The following UNC93A variants were observed in gnomAD, a reference collection of about 807,000 sequenced individuals.
UNC93A encodes the protein N-acetylglucosamine transporter UNC93A.
A neutral mutation model predicts 47.5 loss-of-function variants in UNC93A; 43 were observed. That is an observed-to-expected ratio of 0.91 (90% CI 0.71 to 1.17). The LOEUF is 1.17. Among genes scored for constraint, UNC93A ranks in the 50% most tolerant of loss-of-function variants. UNC93A has a pLI of 0.00. For synonymous variants in UNC93A, 280 were observed against 258.0 expected, an observed-to-expected ratio of 1.09 and a Z score of -0.82; for missense variants, 605 against 577.6, an observed-to-expected ratio of 1.05 and a Z score of -0.49.
At chr6:167,281,809 C>G (rs928465352) in intron 1 of UNC93A, among the ~76,000 whole-genome samples, 1 of 152,162 alleles carries the variant, frequency 6.6e-6, no homozygotes, top group Non-Finnish European at 1.5e-5. Context: ...GCAGCAGTGC[C>G]CACATCTGCA....
At chr6:167,276,994 C>T (rs6925771) in intron 1 of UNC93A, among the ~76,000 whole-genome samples, 2,410 of 152,338 alleles carry the variant, frequency 0.016, 78 homozygotes, top group African/African-American at 0.055. Context: ...ACACAGACAA[C>T]GCCCACCCTC....
At chr6:167,311,767 A>T (rs952317746) in intron 7 of UNC93A, among the ~76,000 whole-genome samples, 17 of 152,394 alleles carry the variant, frequency 1.1e-4, no homozygotes, top group African/African-American at 3.6e-4. Flanking sequence ...ATAGTTTTAG[A>T]TTTACAGAAA....
chr6:167,313,824 C>A (rs1356902237), intron 7 of UNC93A, among the ~76,000 whole-genome samples: 1 of 152,052 alleles, frequency 6.6e-6, no homozygotes, highest in Admixed American at 6.6e-5. Context: ...CTAACAGTCA[C>A]CATCAAAAAA....
Position 167,296,080 on chromosome 6 carries a change from G to A in UNC93A, c.318G>A (p.Pro106=), listed in dbSNP as rs759198012. Residue 106 remains proline (P), a synonymous_variant, in exon 3 of 8, where the codon CCG becomes CCA. Transcript: ENST00000230256. ...TACTGCTGGGACTCGGGGCCGCCCC[G>A]CTGTGGTCTGCACAGTGCACATACC... is the stretch of plus-strand genomic sequence containing the variant. ...TSILLGLGAA[P]LWSAQCTYLT... The A allele has an allele frequency of 4.3e-6, 7 of 1,614,068 alleles. No individual in the cohort carries two copies. The highest frequency in any genetic ancestry group is 2.2e-5 in the East Asian group (1 of 44,894).
chr6:167,309,672 T>C (rs1778503778), intron 7 of UNC93A, among the ~76,000 whole-genome samples: 1 of 152,158 alleles, frequency 6.6e-6, no homozygotes, highest in Admixed American at 6.5e-5. Context: ...GCACTGAGGA[T>C]AAAGAGCACA....
At chr6:167,300,699 T>A (rs1446479022) in intron 4 of UNC93A, among the ~76,000 whole-genome samples, 1 of 152,078 alleles carries the variant, frequency 6.6e-6, no homozygotes, top group East Asian at 1.9e-4. Flanking sequence ...ATCAACATGG[T>A]CCCAGGGACC....
upstream of UNC93A, among the ~76,000 whole-genome samples, chr6:167,287,758 T>C (rs145235271): frequency 5.9e-5 from 9 of 151,980 alleles, no homozygotes; most frequent in East Asian, 1.5e-3. Context: ...TGTGTGTGTG[T>C]GCACTGTGCA....
At chr6:167,269,502 A>AT (rs1783418180), upstream of UNC93A, among the ~76,000 whole-genome samples, 1 of 152,216 alleles carries the variant, frequency 6.6e-6, no homozygotes, top group South Asian at 2.1e-4. Flanking sequence ...TAGAATGACA[A>AT]TGTGGCAAAT....
At chr6:167,299,325 C>G (rs1778178079) in intron 4 of UNC93A, among the ~76,000 whole-genome samples, 1 of 152,162 alleles carries the variant, frequency 6.6e-6, no homozygotes, top group South Asian at 2.1e-4. Context: ...CCAACTCCTG[C>G]ACTCTGCCGG....
At chr6:167,306,992 G>A (rs1279607772) in intron 6 of UNC93A, among the ~76,000 whole-genome samples, 2 of 152,186 alleles carry the variant, frequency 1.3e-5, no homozygotes, top group South Asian at 2.1e-4. Context: ...GATGCTACCT[G>A]CCTGGGGGGT....
chr6:167,291,766 GTCTCAA>G (rs1397370356), intron 1 of UNC93A, among the ~76,000 whole-genome samples, 190 bp downstream of exon 1: 1 of 152,170 alleles, frequency 6.6e-6, no homozygotes. Flanking sequence ...TCCCACTCAC[GTCTCAA>G]TAGGATTGCA....
At chr6:167,286,914 G>A (rs1273220178), upstream of UNC93A, among the ~76,000 whole-genome samples, 1 of 143,816 alleles carries the variant, frequency 7.0e-6, no homozygotes, top group Non-Finnish European at 1.5e-5. Context: ...GGAGGCGGAT[G>A]TTGCAGTGAG....
At chr6:167,305,345 C>T (rs533055840) in intron 5 of UNC93A, among the ~76,000 whole-genome samples, 2 of 152,300 alleles carry the variant, frequency 1.3e-5, no homozygotes, top group African/African-American at 4.8e-5. Context: ...ACAGCCCCTC[C>T]TGCTCCTCCA....
At chr6:167,295,130 A>G (rs968678718) in intron 2 of UNC93A, among the ~76,000 whole-genome samples, 1 of 152,162 alleles carries the variant, frequency 6.6e-6, no homozygotes, top group African/African-American at 2.4e-5. Context: ...GGCAGGTCAC[A>G]GGGATGGGAG....
chr6:167,294,659 G>T lies in UNC93A; in HGVS notation c.230G>T (p.Gly77Val), dbSNP rs765234325. ...CKGTIILSMCGYVAFSVGNFF... is the reference protein window; with the variant it reads ...CKGTIILSMCVYVAFSVGNFF... ...GGGACCATCATCCTCTCCATGTGTG[G>T]CTACGTGGCCTTCTCCGTGGGCAAC... Residue 77 changes from glycine to valine, a missense_variant, in exon 2 of 8, where the codon GGC (glycine) becomes GTC (valine). Gly to Val is a moderately radical substitution (Grantham distance 109). Transcript: ENST00000230256. 6.2e-7 allele frequency: 1 copy of T among 1,607,272 alleles called. No homozygotes were observed. The highest frequency in any genetic ancestry group is 8.5e-7 in the Non-Finnish European group (1 of 1,174,558).
intron 5 of UNC93A, among the ~76,000 whole-genome samples, chr6:167,304,442 A>G (rs1778325587): frequency 6.6e-6 from 1 of 152,220 alleles, no homozygotes; most frequent in African/African-American, 2.4e-5. Flanking sequence ...CTCACCCCAC[A>G]GACACTCATC....
At chr6:167,302,177 C>T (rs1251641644) in intron 4 of UNC93A, among the ~76,000 whole-genome samples, 1 of 152,156 alleles carries the variant, frequency 6.6e-6, no homozygotes, top group African/African-American at 2.4e-5. Context: ...GCTGTTTCTG[C>T]ACACAGCTTG....
At position 167,295,474 on chromosome 6, in the gene UNC93A, TCCCTC is replaced by T. The variant is rs1174650906; in HGVS notation, c.270-557_270-553del. Reference sequence around the variant, plus strand: ...CCTCGCCTCCCTCGTGCTCCTCGCCTCCCTCGTGAACCTCGCCTCCCTCGTGATCC... The same window carrying T: ...CCTCGCCTCCCTCGTGCTCCTCGCCTGTGAACCTCGCCTCCCTCGTGATCC... On this transcript the variant is annotated intron_variant, in intron 2 of 7. Coordinates refer to ENST00000230256, the MANE Select transcript of UNC93A (RefSeq NM_018974.4). 2.1e-4 allele frequency among the ~76,000 whole-genome samples: 21 copies of T among 102,022 alleles called. 1 individual carries two copies. The South Asian group carries it at 2.2e-3, about 11-fold the overall frequency. 66.9% of individuals were successfully genotyped at this position (102,022 alleles called of 152,430 possible).
In UNC93A at chr6:167,291,331, C is replaced by T; in HGVS notation, c.-159C>T. 1.8e-6 allele frequency: 1 copy of T among 569,414 alleles called. No homozygotes were observed. The highest frequency in any genetic ancestry group is 3.0e-6 in the Non-Finnish European group (1 of 331,994). 35.3% of individuals were successfully genotyped at this position (569,414 alleles called of 1,614,324 possible). A position where few individuals can be genotyped will look rare whatever the true frequency, so the allele number is the denominator to read the frequency against. On this transcript the variant is annotated 5_prime_UTR_variant, in exon 1 of 8. Transcript: ENST00000230256. ...ACCAAGTTCATTAACGAGTGACAGTCTTAATGACTAACACACCTCTAACAT... is the reference window on the plus strand; with the variant it reads ...ACCAAGTTCATTAACGAGTGACAGTTTTAATGACTAACACACCTCTAACAT...
Sources: allele counts gnomAD v4.1 joint callset (sites outside exome capture counted in the v4.1 genomes callset), GRCh38; gene constraint gnomAD v4.1.1; transcripts MANE v1.5; gene names NCBI Gene and HGNC (gene_info 2026-07-23, HGNC 2026-07-21).